Variants in SCNN1A observed in about 807,000 individuals in gnomAD.
SCNN1A encodes epithelial sodium channel subunit alpha.
Under a neutral mutation model 68.6 loss-of-function variants are expected in SCNN1A, and 65 were observed. The ratio of observed to expected loss-of-function variants is 0.95; its 90% CI spans 0.78 to 1.16. The LOEUF (loss-of-function observed/expected upper bound fraction) is 1.16, where lower values mean the gene tolerates loss of function less well. SCNN1A is among the 50% of genes most tolerant of loss of function. SCNN1A has a pLI of 0.00. For synonymous variants in SCNN1A, 357 were observed against 353.3 expected (o/e 1.01, Z -0.12); for missense variants, 880 against 865.9 (o/e 1.02, Z -0.20).
Position 6,348,040 on chromosome 12 carries a change from A to T in SCNN1A, c.1843T>A (p.Ser615Thr). Residue 615 changes from serine to threonine, a missense_variant, in exon 13 of 13, where the codon TCC (serine) becomes ACC (threonine). Ser to Thr is a moderately conservative substitution (Grantham distance 58). This residue lies in a region of SCNN1A where 758 missense variants were observed against 721.8 expected (regional missense o/e 1.05). Transcript: ENST00000228916. ...GACATGGGGTGGGGGCAGAAGTGGGAAGGAGGGGAGGATGCCAGGGTGGAG... is the reference window on the plus strand; with the variant it reads ...GACATGGGGTGGGGGCAGAAGTGGGTAGGAGGGGAGGATGCCAGGGTGGAG... ...VASTLASSPPSHFCPHPMSLS... is the reference protein window; with the variant it reads ...VASTLASSPPTHFCPHPMSLS... 2 of 1,608,834 alleles carry T rather than the reference A, an allele frequency of 1.2e-6. No individual in the cohort carries two copies. Among genetic ancestry groups the T allele is most frequent in the Non-Finnish European group, 1.7e-6 (2 of 1,177,548 alleles).
chr12:6,361,700 G>A (rs1018320819), intron 4 of SCNN1A, among the ~76,000 whole-genome samples: 1 of 152,092 alleles, frequency 6.6e-6, no homozygotes, highest in African/African-American at 2.4e-5. Context: ...CCGAGATCGC[G>A]CCATTGCACT....
At chr12:6,373,989 G>A (rs537495928) in intron 2 of SCNN1A, among the ~76,000 whole-genome samples, 46 of 152,312 alleles carry the variant, frequency 3.0e-4, no homozygotes, top group African/African-American at 1.1e-3. Flanking sequence ...AGGTGGACGA[G>A]GTCTTATACT....
chr12:6,354,219 A>C (rs1287629119), intron 8 of SCNN1A, among the ~76,000 whole-genome samples: 2 of 151,980 alleles, frequency 1.3e-5, no homozygotes, highest in Non-Finnish European at 2.9e-5. Context: ...TGACAGAGCG[A>C]GACTCCATTT....
intron 1 of SCNN1A, chr12:6,375,097 T>C: frequency 6.6e-7 from 1 of 1,511,514 alleles, no homozygotes; most frequent in Non-Finnish European, 8.8e-7. Flanking sequence ...GCTTCCCTGA[T>C]AGGGCCACCT....
Position 6,354,487 on chromosome 12 carries a change from C to T in SCNN1A, c.1311G>A (p.Pro437=), listed in dbSNP as rs1948459088. 14 of 1,613,566 alleles carry T rather than the reference C, an allele frequency of 8.7e-6. No individual in the cohort carries two copies. Among genetic ancestry groups the T allele is most frequent in the East Asian group, 2.2e-5 (1 of 44,858 alleles). Residue 437 remains proline (P), a synonymous_variant, in exon 8 of 13, where the codon CCG becomes CCA. Coordinates refer to ENST00000228916, the MANE Select transcript of SCNN1A (RefSeq NM_001038.6). ...KECGCAYIFY[P]RPQNVEYCDY... ...CACAGTACTCCACGTTCTGGGGCCG[C>T]GGATAGAAGATGTAGGCACAGCCAC... is the stretch of plus-strand genomic sequence containing the variant.
chr12:6,375,127 C>G lies in SCNN1A; in HGVS notation c.-54-290G>C, dbSNP rs866923453. The stretch of plus-strand genomic sequence containing the variant: ...CCACCTTTCGAGTTTTGTCCTAGCA[C>G]CTCCCTTTCTGTCTCTGCCCCCTTC... On this transcript the variant is annotated intron_variant, in intron 1 of 12. Transcript: ENST00000228916. 70 of 1,485,460 alleles carry G rather than the reference C, an allele frequency of 4.7e-5. 2 individuals carry two copies. The Middle Eastern group carries it at 1.5e-3, about 31-fold the overall frequency. 92.0% of individuals were successfully genotyped at this position (1,485,460 alleles called of 1,614,324 possible).
At chr12:6,375,215 C>A in intron 1 of SCNN1A, 1 of 1,442,652 alleles carries the variant, frequency 6.9e-7, no homozygotes, top group Non-Finnish European at 9.0e-7. Flanking sequence ...TCTCTATCTG[C>A]CTTCTGTTTC....
intron 8 of SCNN1A, among the ~76,000 whole-genome samples, chr12:6,349,623 G>A (rs1016624761): frequency 7.9e-5 from 12 of 151,970 alleles, no homozygotes; most frequent in Non-Finnish European, 1.6e-4. Flanking sequence ...TGGGAGGGTC[G>A]TTTGAGGCCA....
Position 6,351,251 on chromosome 12 carries a change from G to A in SCNN1A, c.1361-1846C>T, listed in dbSNP as rs936408717. ...TGAGGCACTGCTATTGCTACCATAC[G>A]GATGAACCTTGAAAATATTATGCTA... On this transcript the variant is annotated intron_variant, in intron 8 of 12. Transcript: ENST00000228916. The surrounding 1 kb of genome is among the most constrained non-coding windows in gnomAD (Gnocchi z 4.2). Among the ~76,000 whole-genome samples the A allele has an allele frequency of 3.3e-4, 50 of 152,198 alleles. No individual in the cohort carries two copies. Among genetic ancestry groups the A allele is most frequent in the African/African-American group, 1.1e-3 (45 of 41,446 alleles).
chr12:6,359,920 G>A (rs1948556325), intron 4 of SCNN1A, among the ~76,000 whole-genome samples: 1 of 151,966 alleles, frequency 6.6e-6, no homozygotes, highest in Non-Finnish European at 1.5e-5. Context: ...ACAGATGTGT[G>A]CCACCACACC....
chr12:6,361,607 G>T (rs1330230952), intron 4 of SCNN1A, among the ~76,000 whole-genome samples: 1 of 152,166 alleles, frequency 6.6e-6, no homozygotes, highest in East Asian at 1.9e-4. Flanking sequence ...GCCAGGCGTG[G>T]TGGCGCATGA....
rs1431748324 is a variant in SCNN1A at position 6,363,429 on chromosome 12, G to A, written c.684+14C>T. ...CGAGGGGCGGGGCGGGCCCCTCGGC[G>A]CTGCGGGCCTCACCAGCTGGAAGCC... On this transcript the variant is annotated intron_variant, in intron 3 of 12. Coordinates refer to ENST00000228916, the MANE Select transcript of SCNN1A (RefSeq NM_001038.6). 4 of 1,533,430 alleles carry A rather than the reference G, an allele frequency of 2.6e-6. No homozygotes were observed. The highest frequency in any genetic ancestry group is 1.4e-5 in the African/African-American group (1 of 71,946). 95.0% of individuals were successfully genotyped at this position (1,533,430 alleles called of 1,614,324 possible).
intron 4 of SCNN1A, among the ~76,000 whole-genome samples, chr12:6,357,870 T>C (rs528052186): frequency 6.6e-6 from 1 of 152,154 alleles, no homozygotes; most frequent in Non-Finnish European, 1.5e-5. Context: ...CGGCGGCACA[T>C]GCCTGTAATC....
chr12:6,376,121 C>T (rs1180159915), upstream of SCNN1A: 1 of 987,564 alleles, frequency 1.0e-6, no homozygotes, highest in Non-Finnish European at 1.2e-6. Flanking sequence ...TCAGCCTCAC[C>T]CTCAGGCCCT....
At chr12:6,361,781 T>C (rs1948583352) in intron 4 of SCNN1A, among the ~76,000 whole-genome samples, 1 of 152,088 alleles carries the variant, frequency 6.6e-6, no homozygotes, top group Non-Finnish European at 1.5e-5. Context: ...GATCCATGCT[T>C]CCAGCCTTTG....
At chr12:6,353,144 A>G (rs1948419092) in intron 8 of SCNN1A, among the ~76,000 whole-genome samples, 2 of 152,194 alleles carry the variant, frequency 1.3e-5, no homozygotes, top group African/African-American at 2.4e-5. Flanking sequence ...CTGTAGTCAA[A>G]AGGAAAGAGA....
At chr12:6,350,634 C>T (rs182756540) in intron 8 of SCNN1A, among the ~76,000 whole-genome samples, 73 of 151,916 alleles carry the variant, frequency 4.8e-4, no homozygotes, top group African/African-American at 1.5e-3. Context: ...GTCAGGAATT[C>T]GAGACCAGCC....
intron 2 of SCNN1A, among the ~76,000 whole-genome samples, chr12:6,366,038 TAG>T (rs548569895): frequency 2.0e-3 from 301 of 152,144 alleles, no homozygotes; most frequent in African/African-American, 6.8e-3. Context: ...GTATTTTTAG[TAG>T]AGACGGGGTT....
At chr12:6,362,339 C>CTCATTCTT (rs1948594166) in intron 3 of SCNN1A, 98 bp from the exon 4 acceptor site, 3 of 1,097,614 alleles carry the variant, frequency 2.7e-6, no homozygotes, top group South Asian at 2.5e-5. Flanking sequence ...GTTCTGAGGA[C>CTCATTCTT]TGACGGACAG....
Sources: gnomAD v4.1 joint callset for allele counts (sites outside exome capture counted in the v4.1 genomes callset) on GRCh38, gnomAD v4.1.1 for gene constraint, gnomAD v4.1.1 regional missense constraint, Gnocchi (gnomAD v3.1) non-coding constraint, MANE v1.5 for transcripts, NCBI Gene and HGNC (gene_info 2026-07-23, HGNC 2026-07-21) for gene names.